The following MECOM variants were observed in gnomAD, a reference collection of about 807,000 sequenced individuals.
The protein encoded by MECOM is histone-lysine N-methyltransferase MECOM.
A neutral mutation model predicts 116.3 loss-of-function variants in MECOM; 13 were observed. That is an observed-to-expected ratio of 0.11 (90% CI 0.07 to 0.18). MECOM has a LOEUF of 0.18. MECOM is among the 10% of genes least tolerant of loss of function. MECOM has a pLI of 1.00. For missense variants in MECOM, 1,299 were observed against 1,509.0 expected, an observed-to-expected ratio of 0.86 and a Z score of 2.31; for synonymous variants, 528 against 535.2, an observed-to-expected ratio of 0.99 and a Z score of 0.19.
rs1165167849 is a variant in MECOM at position 169,507,650 on chromosome 3, CTTTTTTTTTTT to C, written c.38-126137_38-126127del. ...CAATTTTGGTTTAAATCCCCACTTG[CTTTTTTTTTTT>C]TTTTTTTTTTTTTTTTTTGAGATGG... is the stretch of plus-strand genomic sequence containing the variant. On this transcript the variant is annotated intron_variant, in intron 1 of 16. Coordinates refer to ENST00000651503, the MANE Select transcript of MECOM (RefSeq NM_004991.4). Among the ~76,000 whole-genome samples the C allele has an allele frequency of 7.9e-4, 45 of 57,136 alleles. 2 individuals are homozygous for C. The highest frequency in any genetic ancestry group is 1.4e-3 in the African/African-American group (17 of 12,234). 37.5% of individuals were successfully genotyped at this position (57,136 alleles called of 152,430 possible). A position where few individuals can be genotyped will look rare whatever the true frequency, so the allele number is the denominator to read the frequency against.
At chr3:169,494,115 C>T (rs752446880) in intron 1 of MECOM, among the ~76,000 whole-genome samples, 3 of 151,798 alleles carry the variant, frequency 2.0e-5, no homozygotes, top group Non-Finnish European at 4.4e-5. Context: ...ATTACACTGA[C>T]CATTTCACCG....
chr3:169,261,735 G>GAGA (rs1560058656), intron 2 of MECOM, among the ~76,000 whole-genome samples: 1 of 123,104 alleles, frequency 8.1e-6, no homozygotes, highest in African/African-American at 4.2e-5. Flanking sequence ...GAAGGAGAAG[G>GAGA]AGAAGGAGAA....
At position 169,115,404 on chromosome 3, in the gene MECOM, A is replaced by G. The variant is rs200820362; in HGVS notation, c.2468T>C (p.Phe823Ser). ...GSLQHARPTPFFMDPIYRVEK... is the reference protein window; with the variant it reads ...GSLQHARPTPSFMDPIYRVEK... ...TTACCTGTAAATAGGGTCCATAAAGAAAGGAGTGGGTCTTGCATGCTGCAA... is the reference window on the plus strand; with the variant it reads ...TTACCTGTAAATAGGGTCCATAAAGGAAGGAGTGGGTCTTGCATGCTGCAA... Residue 823 changes from phenylalanine (F) to serine (S), a missense_variant, in exon 8 of 17, where the codon TTC (phenylalanine) becomes TCC (serine). Phe to Ser is a radical substitution (Grantham distance 155). This residue lies in a region of MECOM where 340 missense variants were observed against 312.6 expected (regional missense o/e 1.09). Transcript: ENST00000651503. 63 of 1,613,900 alleles carry G rather than the reference A, an allele frequency of 3.9e-5. No individual in the cohort carries two copies. The highest frequency in any genetic ancestry group is 5.1e-5 in the Non-Finnish European group (60 of 1,179,966).
intron 2 of MECOM, among the ~76,000 whole-genome samples, chr3:169,207,898 A>C (rs979229258): frequency 3.9e-5 from 6 of 152,156 alleles, no homozygotes; most frequent in African/African-American, 1.4e-4. Context: ...CCCACTGACC[A>C]CGCTGACGAT....
At chr3:169,101,774 GA>G (rs754375021) in intron 11 of MECOM, among the ~76,000 whole-genome samples, 4 of 152,100 alleles carry the variant, frequency 2.6e-5, no homozygotes, top group Non-Finnish European at 4.4e-5. Context: ...AATTAATTGT[GA>G]AAGAAAATTC....
chr3:169,563,220 T>C (rs1179967050), intron 1 of MECOM, among the ~76,000 whole-genome samples: 1 of 152,178 alleles, frequency 6.6e-6, no homozygotes, highest in Non-Finnish European at 1.5e-5. Flanking sequence ...GTAATTGGCA[T>C]GCAAAGAGAC....
intron 1 of MECOM, among the ~76,000 whole-genome samples, chr3:169,433,980 A>G (rs1483968572): frequency 6.6e-6 from 1 of 152,214 alleles, no homozygotes; most frequent in African/African-American, 2.4e-5. Context: ...TATTCTTAAT[A>G]ATGGGGAGGT....
chr3:169,124,518 A>T (rs1480838169), intron 5 of MECOM, among the ~76,000 whole-genome samples: 2 of 149,832 alleles, frequency 1.3e-5, no homozygotes, highest in African/African-American at 4.9e-5. Flanking sequence ...TAAACTTTAT[A>T]ACTGAGGAAA....
chr3:169,382,138 G>C (rs1044088047), intron 1 of MECOM, among the ~76,000 whole-genome samples: 1 of 152,122 alleles, frequency 6.6e-6, no homozygotes, highest in African/African-American at 2.4e-5. Context: ...GAAAGTTAAA[G>C]TTACCTGAAG....
At chr3:169,097,288 T>C (rs35787846) in intron 12 of MECOM, among the ~76,000 whole-genome samples, 38,342 of 151,984 alleles carry the variant, frequency 0.25, 5,060 homozygotes, top group Non-Finnish European at 0.28. Context: ...AAGCATGTTC[T>C]AACCAATGAT....
intron 2 of MECOM, among the ~76,000 whole-genome samples, chr3:169,163,032 GATA>G (rs1206913911): frequency 2.6e-5 from 4 of 151,826 alleles, no homozygotes; most frequent in African/African-American, 7.2e-5. Flanking sequence ...TTGCAATAAT[GATA>G]ATAATAATAA....
intron 2 of MECOM, among the ~76,000 whole-genome samples, chr3:169,379,625 C>T (rs527561010): frequency 4.6e-5 from 7 of 152,176 alleles, no homozygotes; most frequent in South Asian, 2.1e-4. Context: ...ATGTTTAAAA[C>T]GGCACAGTCC....
rs569653274 is a variant in MECOM at position 169,641,352 on chromosome 3, T to C, written c.37+21984A>G. On this transcript the variant is annotated intron_variant, in intron 1 of 16. Coordinates refer to ENST00000651503, the MANE Select transcript of MECOM (RefSeq NM_004991.4). Reference sequence around the variant, plus strand: ...TGTTCTCTATTTGCATAGCCACACATCTGGGTAGGTCAGCGCTTCTGTGAC... The same window carrying C: ...TGTTCTCTATTTGCATAGCCACACACCTGGGTAGGTCAGCGCTTCTGTGAC... Among the ~76,000 whole-genome samples, 33 of 152,288 alleles carry C rather than the reference T, an allele frequency of 2.2e-4. No homozygotes were observed. The South Asian group carries it at 6.8e-3, about 32-fold the overall frequency.
chr3:169,316,764 G>T (rs1719817139), intron 2 of MECOM, among the ~76,000 whole-genome samples: 1 of 152,168 alleles, frequency 6.6e-6, no homozygotes, highest in Non-Finnish European at 1.5e-5. Context: ...TGCTGCCCAG[G>T]CTGGTCTTGA....
intron 2 of MECOM, among the ~76,000 whole-genome samples, chr3:169,206,715 G>A (rs1180500557): frequency 6.9e-6 from 1 of 145,022 alleles, no homozygotes; most frequent in Non-Finnish European, 1.5e-5. Flanking sequence ...ATTGCACCAC[G>A]CACTCCAGCA....
At chr3:169,189,261 T>C (rs183588250) in intron 2 of MECOM, among the ~76,000 whole-genome samples, 1 of 152,180 alleles carries the variant, frequency 6.6e-6, no homozygotes, top group Admixed American at 6.6e-5. Flanking sequence ...TTGCTTGCAC[T>C]AAAAAGTCTT....
At chr3:169,193,707 A>G (rs1388983999) in intron 2 of MECOM, among the ~76,000 whole-genome samples, 1 of 152,022 alleles carries the variant, frequency 6.6e-6, no homozygotes, top group Non-Finnish European at 1.5e-5. Context: ...AAAAAGCTAA[A>G]GCTCATTTTG....
At chr3:169,193,865 G>T (rs1232770524) in intron 2 of MECOM, among the ~76,000 whole-genome samples, 1 of 151,930 alleles carries the variant, frequency 6.6e-6, no homozygotes, top group Admixed American at 6.6e-5. Flanking sequence ...AGACTAAAGA[G>T]AAATGAATAC....
chr3:169,119,913 G>A (rs1240048737), intron 7 of MECOM, among the ~76,000 whole-genome samples: 4 of 152,128 alleles, frequency 2.6e-5, no homozygotes, highest in Non-Finnish European at 5.9e-5. Flanking sequence ...GGACTCTAGT[G>A]TAAGCTGGAA....
Sources: allele counts gnomAD v4.1 joint callset (sites outside exome capture counted in the v4.1 genomes callset), GRCh38; gene constraint gnomAD v4.1.1; regional missense constraint gnomAD v4.1.1; transcripts MANE v1.5; gene names NCBI Gene and HGNC (gene_info 2026-07-23, HGNC 2026-07-21).